Variants in ANO6 observed in about 807,000 individuals in gnomAD.
The protein encoded by ANO6 is anoctamin 6, also known as anoctamin-6.
ANO6 carries 106 observed loss-of-function variants against 117.5 expected under a neutral mutation model. That is an observed-to-expected ratio of 0.90 (90% CI 0.77 to 1.06). ANO6 has a LOEUF of 1.06. Ranked by LOEUF, ANO6 falls within the 50% of genes least tolerant of loss-of-function variation. The probability of loss-of-function intolerance (pLI) is 0.00; values close to 1 mark genes in which losing one functional copy is unlikely to be tolerated. For missense variants in ANO6, 955 were observed against 1,121.1 expected (o/e 0.85, Z 2.12); for synonymous variants, 367 against 385.1 (o/e 0.95, Z 0.55).
At chr12:45,261,834 T>C (rs780969769) in intron 1 of ANO6, among the ~76,000 whole-genome samples, 2 of 152,204 alleles carry the variant, frequency 1.3e-5, no homozygotes, top group African/African-American at 4.8e-5. Flanking sequence ...GTGCATCACA[T>C]CTGAAAGGCA....
chr12:45,416,967 G>A (rs972289461), intron 17 of ANO6, 63 bp downstream of exon 17: 11 of 1,523,326 alleles, frequency 7.2e-6, no homozygotes, highest in African/African-American at 2.7e-5. Context: ...GCTACCTAAG[G>A]AATCAAATGT....
chr12:45,321,266 C>G (rs929946248), intron 2 of ANO6, among the ~76,000 whole-genome samples: 1 of 152,050 alleles, frequency 6.6e-6, no homozygotes, highest in African/African-American at 2.4e-5. Flanking sequence ...TGAAACTCAA[C>G]AAGTGGTAGT....
intron 1 of ANO6, among the ~76,000 whole-genome samples, chr12:45,285,738 A>G (rs1225544599): frequency 6.6e-6 from 1 of 151,998 alleles, no homozygotes; most frequent in African/African-American, 2.4e-5. Flanking sequence ...AAAAAAAAAA[A>G]AAAGAAAAAG....
At chr12:45,344,626 T>C (rs1234305120) in intron 3 of ANO6, among the ~76,000 whole-genome samples, 2 of 152,048 alleles carry the variant, frequency 1.3e-5, no homozygotes, top group Middle Eastern at 3.2e-3. Context: ...TCCCCTAACA[T>C]TGGAGATTAC....
chr12:45,279,926 G>T (rs1209058566), intron 1 of ANO6, among the ~76,000 whole-genome samples: 1 of 152,148 alleles, frequency 6.6e-6, no homozygotes, highest in African/African-American at 2.4e-5. Context: ...AGGTAAAATT[G>T]CAACCCACAT....
chr12:45,298,073 A>G (rs1179616137), intron 1 of ANO6, among the ~76,000 whole-genome samples: 2 of 152,200 alleles, frequency 1.3e-5, no homozygotes, highest in Non-Finnish European at 2.9e-5. Context: ...TTGTGCATCC[A>G]TGCGAAATCC....
chr12:45,372,813 A>C (rs977359509), intron 9 of ANO6, among the ~76,000 whole-genome samples: 2 of 152,234 alleles, frequency 1.3e-5, no homozygotes, highest in African/African-American at 4.8e-5. Context: ...CTAAAGAGCA[A>C]AATCACCAGC....
chr12:45,416,357 CT>C (rs1273338914), intron 16 of ANO6, among the ~76,000 whole-genome samples: 1 of 151,898 alleles, frequency 6.6e-6, no homozygotes, highest in Non-Finnish European at 1.5e-5. Flanking sequence ...CACAAATCTT[CT>C]TTCAACATTC....
rs1284339374 is a variant in ANO6 at position 45,429,563 on chromosome 12, T to C, written c.*252T>C. 2 of 1,283,246 alleles carry C rather than the reference T, an allele frequency of 1.6e-6. No homozygotes were observed. The highest frequency in any genetic ancestry group is 3.0e-5 in the African/African-American group (2 of 66,360). 79.5% of individuals were successfully genotyped at this position (1,283,246 alleles called of 1,614,324 possible). On this transcript the variant is annotated 3_prime_UTR_variant, in exon 20 of 20. Transcript: ENST00000320560. Reference sequence around the variant, plus strand: ...TACCTTTTTCTGATAAATTGGAATTTTACAGAAAAAGTCCCTCAGTGTGCT... The same window carrying C: ...TACCTTTTTCTGATAAATTGGAATTCTACAGAAAAAGTCCCTCAGTGTGCT...
chr12:45,273,557 T>G lies in ANO6; in HGVS notation c.71-28457T>G, dbSNP rs75408770. Among the ~76,000 whole-genome samples, 1,463 of 152,354 alleles carry G rather than the reference T, an allele frequency of 9.6e-3. 25 individuals are homozygous for G. Among genetic ancestry groups the G allele is most frequent in the African/African-American group, 0.033 (1,377 of 41,576 alleles). On this transcript the variant is annotated intron_variant, in intron 1 of 19. Coordinates refer to ENST00000320560, the MANE Select transcript of ANO6 (RefSeq NM_001025356.3). ...CACTTAACCTCTTTGTGCCTTAGTT[T>G]CCTCATTGGTAAAATGGGAATGATA...
At chr12:45,387,134 G>A (rs972385469) in intron 10 of ANO6, among the ~76,000 whole-genome samples, 5 of 152,116 alleles carry the variant, frequency 3.3e-5, no homozygotes, top group African/African-American at 1.2e-4. Flanking sequence ...ATAGAAGAGT[G>A]GTGATTACAG....
chr12:45,432,864 A>G (rs1441469536), downstream of ANO6, among the ~76,000 whole-genome samples: 2 of 152,154 alleles, frequency 1.3e-5, no homozygotes, highest in Non-Finnish European at 2.9e-5. Context: ...CTGAGAGGCA[A>G]TATGTAAATG....
chr12:45,259,484 C>G (rs541865473), intron 1 of ANO6, among the ~76,000 whole-genome samples: 2 of 152,280 alleles, frequency 1.3e-5, no homozygotes, highest in Admixed American at 6.5e-5. Context: ...AGGATAGAAA[C>G]TGATGTGAAG....
Position 45,401,995 on chromosome 12 carries a change from A to G in ANO6, c.1587A>G (p.Lys529=). The G allele has an allele frequency of 6.2e-7, 1 of 1,614,012 alleles. No homozygotes were observed. Among genetic ancestry groups the G allele is most frequent in the Non-Finnish European group, 8.5e-7 (1 of 1,179,958 alleles). ...TGATTCTGAACACCATATATGAAAA[A>G]GTGGCAATTATGATTACTAACTTCG... ...IIMILNTIYE[K]VAIMITNFEL... Residue 529 remains lysine, a synonymous_variant, in exon 13 of 20, where the codon AAA becomes AAG. Transcript: ENST00000320560.
chr12:45,222,212 G>A (rs898318887), intron 1 of ANO6, among the ~76,000 whole-genome samples: 2 of 151,850 alleles, frequency 1.3e-5, no homozygotes, highest in Non-Finnish European at 2.9e-5. Context: ...CCAGGCTGGA[G>A]TGCAATGGCT....
chr12:45,330,368 G>C (rs773713316), intron 2 of ANO6, among the ~76,000 whole-genome samples: 2 of 152,100 alleles, frequency 1.3e-5, no homozygotes, highest in Non-Finnish European at 2.9e-5. Flanking sequence ...TGAACACAAT[G>C]TACAAGTTAT....
At chr12:45,440,237 TTTTTC>T in exon 20 of ANO6, 1 of 193,908 alleles carries the variant, frequency 5.2e-6, no homozygotes, top group Non-Finnish European at 1.0e-5. Flanking sequence ...GCCTAATTTC[TTTTTC>T]TTTTTTCTTT....
chr12:45,381,956 G>A (rs919323352), intron 10 of ANO6, among the ~76,000 whole-genome samples: 7 of 151,748 alleles, frequency 4.6e-5, no homozygotes, highest in Non-Finnish European at 8.8e-5. Flanking sequence ...GTAAATGAGT[G>A]GCTATCACAC....
Position 45,421,188 on chromosome 12 carries a change from ACT to A in ANO6, c.2341_2342del (p.Ser781HisfsTer18). 1 of 1,613,890 alleles carries A rather than the reference ACT, an allele frequency of 6.2e-7. No homozygotes were observed. The highest frequency in any genetic ancestry group is 8.5e-7 in the Non-Finnish European group (1 of 1,179,966). ...CACCATGGAAGGGTACATCAACAAC[ACT>A]CTCTCCATCTTCAAAGTCGCAGACT... is the stretch of plus-strand genomic sequence containing the variant. The part of the protein sequence containing the change: ...SYTMEGYINN[T>X]LSIFKVADFK... On this transcript the variant is annotated frameshift_variant, in exon 18 of 20. Transcript: ENST00000320560. LOFTEE classifies it high-confidence loss of function.
Sources: gnomAD v4.1 joint callset for allele counts (sites outside exome capture counted in the v4.1 genomes callset) on GRCh38, gnomAD v4.1.1 for gene constraint, MANE v1.5 for transcripts, NCBI Gene and HGNC (gene_info 2026-07-23, HGNC 2026-07-21) for gene names.